The following TRMT9B variants were observed in gnomAD, a reference collection of about 807,000 sequenced individuals.
TRMT9B encodes tRNA methyltransferase 9B (putative), also known as probable tRNA methyltransferase 9B.
Under a neutral mutation model 11.5 loss-of-function variants are expected in TRMT9B, and 16 were observed. The ratio of observed to expected loss-of-function variants is 1.39; its 90% CI spans 0.94 to 2.11. The LOEUF is 2.11. TRMT9B is among the 30% of genes most tolerant of loss of function. TRMT9B has a pLI of 0.00. For missense variants in TRMT9B, 941 were observed against 553.8 expected (o/e 1.70, Z -7.02); for synonymous variants, 274 against 192.4 (o/e 1.42, Z -3.51).
At chr8:13,010,679 C>G (rs1170479097) in intron 3 of TRMT9B, 3 of 984,616 alleles carry the variant, frequency 3.0e-6, no homozygotes, top group Non-Finnish European at 3.6e-6. Context: ...ATGTATGAGT[C>G]TGATTTTATT....
Position 12,990,846 on chromosome 8 carries a change from C to T in TRMT9B, c.-187C>T. The T allele has an allele frequency of 7.8e-7, 1 of 1,289,264 alleles. No individual in the cohort carries two copies. Among genetic ancestry groups the T allele is most frequent in the Admixed American group, 2.3e-5 (1 of 43,540 alleles). The allele number at this position is 1,289,264 out of a possible 1,614,324, so 79.9% of individuals were successfully genotyped here. ...TTCTTCCTGATAGGGCCTGTGCTTC[C>T]TTCAGAGACTCACACAAGAGGTTTA... is the stretch of plus-strand genomic sequence containing the variant. On this transcript the variant is annotated 5_prime_UTR_variant, in exon 2 of 5. Coordinates refer to ENST00000524591, the MANE Select transcript of TRMT9B (RefSeq NM_020844.3).
At chr8:12,956,604 C>T (rs1296390420) in intron 1 of TRMT9B, among the ~76,000 whole-genome samples, 1 of 152,120 alleles carries the variant, frequency 6.6e-6, no homozygotes, top group Non-Finnish European at 1.5e-5. Flanking sequence ...ATTTAATGAA[C>T]CACAATACAA....
intron 1 of TRMT9B, among the ~76,000 whole-genome samples, chr8:12,986,528 A>G (rs1171943832): frequency 6.6e-6 from 1 of 152,260 alleles, no homozygotes; most frequent in African/African-American, 2.4e-5. Context: ...AGTTACCAGT[A>G]TCTAGACCTT....
At position 12,982,252 on chromosome 8, in the gene TRMT9B, AG is replaced by A. The variant is rs539500491; in HGVS notation, c.-199-8578del. On this transcript the variant is annotated intron_variant, in intron 1 of 4. Coordinates refer to ENST00000524591, the MANE Select transcript of TRMT9B (RefSeq NM_020844.3). ...TAACCCCAGGCAGAGGTGATAGGGAAGGGGCAGGGTTACTCACAAGAGGGAT... is the reference window on the plus strand; with the variant it reads ...TAACCCCAGGCAGAGGTGATAGGGAAGGGCAGGGTTACTCACAAGAGGGAT... 5.1e-3 allele frequency among the ~76,000 whole-genome samples: 772 copies of A among 152,258 alleles called. 6 individuals carry two copies. The highest frequency in any genetic ancestry group is 0.018 in the African/African-American group (728 of 41,550).
intron 1 of TRMT9B, among the ~76,000 whole-genome samples, chr8:12,980,373 C>T (rs1176047964): frequency 6.6e-6 from 1 of 151,490 alleles, no homozygotes; most frequent in East Asian, 2.0e-4. Context: ...ATGATCTCGC[C>T]TTGAAATCTT....
chr8:12,980,004 G>A (rs550696627), intron 1 of TRMT9B, among the ~76,000 whole-genome samples: 30 of 152,214 alleles, frequency 2.0e-4, no homozygotes, highest in African/African-American at 6.7e-4. Context: ...GACCCGTTTT[G>A]CATTCAGAGT....
intron 4 of TRMT9B, among the ~76,000 whole-genome samples, chr8:13,014,923 T>C (rs774558005): frequency 6.6e-6 from 1 of 152,000 alleles, no homozygotes; most frequent in African/African-American, 2.4e-5. Flanking sequence ...TAGCCGGGCA[T>C]GGTGGTGAGC....
Position 13,021,079 on chromosome 8 carries a change from G to T in TRMT9B, c.400G>T (p.Gly134Ter). Reference sequence around the variant, plus strand: ...AGAAATGGCCAGGGTCTTAGTTCCCGGAGGCCAACTGATGATTTACGTTTG... The same window carrying T: ...AGAAATGGCCAGGGTCTTAGTTCCCTGAGGCCAACTGATGATTTACGTTTG... ...IKEMARVLVP[G>*]GQLMIYVWAM... The change falls in exon 5 of 5, where the codon GGA becomes TGA. Residue 134 changes from glycine (G) to a stop codon, truncating the protein, a stop_gained. Coordinates refer to ENST00000524591, the MANE Select transcript of TRMT9B (RefSeq NM_020844.3). LOFTEE classifies it low-confidence loss of function (END_TRUNC). 6.2e-7 allele frequency: 1 copy of T among 1,605,440 alleles called. No homozygotes were observed. Among genetic ancestry groups the T allele is most frequent in the Non-Finnish European group, 8.5e-7 (1 of 1,175,298 alleles).
rs117188563 is a variant in TRMT9B at position 13,028,300 on chromosome 8, A to G, written c.*6256A>G. 7.1e-3 allele frequency: 1,189 copies of G among 167,198 alleles called. 9 individuals carry two copies. Among genetic ancestry groups the G allele is most frequent in the Middle Eastern group, 0.017 (5 of 296 alleles). 10.4% of individuals were successfully genotyped at this position (167,198 alleles called of 1,614,324 possible). ...ACCATTTGTAAGAGCTGTTTGTCAAATTGGATCTTCATTTGACAAATAAAT... is the reference window on the plus strand; with the variant it reads ...ACCATTTGTAAGAGCTGTTTGTCAAGTTGGATCTTCATTTGACAAATAAAT... On this transcript the variant is annotated 3_prime_UTR_variant, in exon 5 of 5. Coordinates refer to ENST00000524591, the MANE Select transcript of TRMT9B (RefSeq NM_020844.3).
At chr8:13,012,237 G>A in intron 3 of TRMT9B, 1 of 984,632 alleles carries the variant, frequency 1.0e-6, no homozygotes, top group African/African-American at 1.8e-5. Context: ...TTGCTTTTGT[G>A]AATACCTTCA....
intron 3 of TRMT9B, chr8:13,012,468 G>T (rs1027875074): frequency 3.7e-6 from 2 of 542,602 alleles, no homozygotes; most frequent in Middle Eastern, 6.6e-4. Context: ...CCACCTACTC[G>T]GGAGGCTAAG....
At chr8:12,971,284 T>C (rs1803582062) in intron 1 of TRMT9B, among the ~76,000 whole-genome samples, 1 of 152,220 alleles carries the variant, frequency 6.6e-6, no homozygotes, top group African/African-American at 2.4e-5. Flanking sequence ...ATTTTGATAT[T>C]TCTTTATTTC....
At chr8:12,947,749 G>A (rs937306419) in intron 1 of TRMT9B, among the ~76,000 whole-genome samples, 5 of 152,366 alleles carry the variant, frequency 3.3e-5, no homozygotes, top group African/African-American at 1.2e-4. Context: ...CAGGTGTGCA[G>A]TATTTATTAC....
chr8:12,961,714 A>G (rs1802137802), intron 1 of TRMT9B: 1 of 149,650 alleles, frequency 6.7e-6, no homozygotes, highest in East Asian at 1.9e-4. Flanking sequence ...AAAAAAAAAA[A>G]AAAAGAAAGA....
chr8:12,948,411 A>C (rs898962132), intron 1 of TRMT9B, among the ~76,000 whole-genome samples: 1 of 148,370 alleles, frequency 6.7e-6, no homozygotes, highest in African/African-American at 2.4e-5. Context: ...ATCTGTATAT[A>C]TAATATATAT....
chr8:13,012,987 A>C, intron 4 of TRMT9B, 130 bp downstream of exon 4: 1 of 1,222,446 alleles, frequency 8.2e-7, no homozygotes, highest in Non-Finnish European at 1.1e-6. Flanking sequence ...ATTTAAAAAA[A>C]TTGTTTCAAC....
chr8:12,963,996 G>C (rs1438017043), intron 1 of TRMT9B, among the ~76,000 whole-genome samples: 1 of 152,104 alleles, frequency 6.6e-6, no homozygotes, highest in African/African-American at 2.4e-5. Context: ...CATCAGCTTT[G>C]GTTTTGTAAA....
chr8:13,008,296 T>C (rs1810885304), intron 3 of TRMT9B, among the ~76,000 whole-genome samples: 1 of 152,230 alleles, frequency 6.6e-6, no homozygotes, highest in African/African-American at 2.4e-5. Context: ...CTAGACGGCA[T>C]TTCAGCCCCA....
At chr8:12,971,202 T>C (rs560398203) in intron 1 of TRMT9B, among the ~76,000 whole-genome samples, 5 of 152,240 alleles carry the variant, frequency 3.3e-5, no homozygotes, top group African/African-American at 1.2e-4. Flanking sequence ...TATCAAATAC[T>C]GGTATTTATT....
Sources: allele counts gnomAD v4.1 joint callset (sites outside exome capture counted in the v4.1 genomes callset), GRCh38; gene constraint gnomAD v4.1.1; transcripts MANE v1.5; gene names NCBI Gene and HGNC (gene_info 2026-07-23, HGNC 2026-07-21).